The following MYO15A variants were observed in gnomAD, a reference collection of about 807,000 sequenced individuals.
The protein encoded by MYO15A is unconventional myosin-XV.
A neutral mutation model predicts 394.6 loss-of-function variants in MYO15A; 308 were observed. The observed-to-expected ratio is 0.78, with a 90% CI of 0.71 to 0.86. MYO15A has a LOEUF of 0.86. Among genes scored for constraint, MYO15A ranks in the 40% least tolerant of loss-of-function variants. The probability of loss-of-function intolerance (pLI) is 0.00; values close to 1 mark genes in which losing one functional copy is unlikely to be tolerated. For synonymous variants in MYO15A, 1,957 were observed against 2,003.8 expected, an observed-to-expected ratio of 0.98 and a Z score of 0.62; for missense variants, 4,606 against 4,799.1, an observed-to-expected ratio of 0.96 and a Z score of 1.19.
rs755769475 is a variant in MYO15A, at chr17:18,150,560, G to A, written c.7327+17G>A. 1.2e-6 allele frequency: 2 copies of A among 1,613,962 alleles called. No homozygotes were observed. Among genetic ancestry groups the A allele is most frequent in the Admixed American group, 3.3e-5 (2 of 60,014 alleles). Reference sequence around the variant, plus strand: ...CAAAGCCAAGTCAGTGCCTCCCCAGGGTGGTTCCAGGGTTGGGCAGGGCCA... The same window carrying A: ...CAAAGCCAAGTCAGTGCCTCCCCAGAGTGGTTCCAGGGTTGGGCAGGGCCA... On this transcript the variant is annotated intron_variant, in intron 36 of 65. Coordinates refer to ENST00000647165, the MANE Select transcript of MYO15A (RefSeq NM_016239.4). This position sits in a 1 kb window ranked among gnomAD's most constrained non-coding sequence, Gnocchi z 4.4.
Position 18,118,974 on chromosome 17 carries a change from C to T in MYO15A, c.174C>T (p.Ala58=). ...SKKGQFRSAS[A]FFWGLHTGPQ... is the part of the protein sequence containing the mutation. The stretch of plus-strand genomic sequence containing the variant: ...AGGGCCAGTTCCGCAGCGCCTCGGC[C>T]TTCTTCTGGGGCCTCCACACCGGCC... Residue 58 remains alanine, a synonymous_variant, in exon 2 of 66, where the codon GCC becomes GCT. Transcript: ENST00000647165. 6.2e-7 allele frequency: 1 copy of T among 1,613,168 alleles called. No individual in the cohort carries two copies. Among genetic ancestry groups the T allele is most frequent in the Non-Finnish European group, 8.5e-7 (1 of 1,179,970 alleles).
At chr17:18,152,312 C>T in intron 42 of MYO15A, 128 bp downstream of exon 42, 1 of 919,058 alleles carries the variant, frequency 1.1e-6, no homozygotes, top group Non-Finnish European at 1.7e-6. Flanking sequence ...CTTGTGAGCA[C>T]ATTGGTGTAA....
chr17:18,166,360 G>A lies in MYO15A; in HGVS notation c.9788-1G>A, dbSNP rs1215507748. ...CAGCCCTGCCTCCCTGCTCTCTGCA[G>A]GCCAGCATGTGTGCCCACTCAGTCG... On this transcript the variant is annotated splice_acceptor_variant, in intron 60 of 65. Coordinates refer to ENST00000647165, the MANE Select transcript of MYO15A (RefSeq NM_016239.4). LOFTEE classifies it high-confidence loss of function. 6.2e-7 allele frequency: 1 copy of A among 1,612,636 alleles called. No individual in the cohort carries two copies. The highest frequency in any genetic ancestry group is 8.5e-7 in the Non-Finnish European group (1 of 1,180,026).
At chr17:18,109,822 AAT>A (rs1779098436) in intron 1 of MYO15A, 1 of 152,186 alleles carries the variant, frequency 6.6e-6, no homozygotes, top group African/African-American at 2.4e-5. Flanking sequence ...CAAAGACATG[AAT>A]ATTCATCTAT....
intron 23 of MYO15A, 43 bp downstream of exon 23, chr17:18,141,813 G>T (rs755657078): frequency 6.3e-7 from 1 of 1,585,414 alleles, no homozygotes; most frequent in Admixed American, 1.7e-5. Flanking sequence ...CCCCAAGTTT[G>T]GGGGGGTCCA....
rs1373504155 is a variant in MYO15A, at chr17:18,152,175, C to A, written c.7957C>A (p.Pro2653Thr). 1.3e-6 allele frequency: 2 copies of A among 1,550,744 alleles called. No homozygotes were observed. Among genetic ancestry groups the A allele is most frequent in the Admixed American group, 3.9e-5 (2 of 51,072 alleles). ...VTSAPRPSMA[P>T]TSALPSRSLE... ...CAGTGCACCAAGGCCATCCATGGCACCCACTTCAGGTGAGAGGGCCAGGAG... is the reference window on the plus strand; with the variant it reads ...CAGTGCACCAAGGCCATCCATGGCAACCACTTCAGGTGAGAGGGCCAGGAG... Residue 2653 changes from proline to threonine, a missense_variant, in exon 42 of 66, where the codon CCC becomes ACC. Physicochemically the swap from Pro to Thr is conservative, Grantham distance 38. Around this residue, in one of 2 missense-constraint regions of MYO15A, gnomAD observed 2,776 missense variants for 3,109.3 expected, o/e 0.89. Coordinates refer to ENST00000647165, the MANE Select transcript of MYO15A (RefSeq NM_016239.4).
chr17:18,166,844 T>C (rs2046862512), intron 61 of MYO15A, among the ~76,000 whole-genome samples: 1 of 152,232 alleles, frequency 6.6e-6, no homozygotes, highest in South Asian at 2.1e-4. Flanking sequence ...CTTCCTCCTC[T>C]GAACATGGGC....
rs1597791467 is a variant in MYO15A at position 18,140,640 on chromosome 17, C to T, written c.5335C>T (p.Leu1779=). The T allele has an allele frequency of 1.2e-5, 19 of 1,613,924 alleles. No homozygotes were observed. The East Asian group carries it at 4.0e-4, about 34-fold the overall frequency. The change falls in exon 20 of 66, where the codon CTG becomes TTG. Residue 1779 remains leucine (L), a synonymous_variant. Coordinates refer to ENST00000647165, the MANE Select transcript of MYO15A (RefSeq NM_016239.4). ...GGCCGCCAAGTTCCAGCAGTCACTC[C>T]TGGATCTGGTGGAAAAGATGGAGAG... is the stretch of plus-strand genomic sequence containing the variant. The part of the protein sequence containing the change: ...TVAAKFQQSL[L]DLVEKMERCN...
In MYO15A at chr17:18,165,493, C is replaced by G. The variant is rs1227832005; in HGVS notation, c.9788-868C>G. Among the ~76,000 whole-genome samples the G allele has an allele frequency of 1.2e-4, 18 of 152,210 alleles. 1 individual carries two copies. The highest frequency in any genetic ancestry group is 1.2e-3 in the Admixed American group (18 of 15,278). ...TCTCTCTCCCTGCCAGCCTCTGCTTCTGGTCTCACATCTCCTCCTCTGATT... is the reference window on the plus strand; with the variant it reads ...TCTCTCTCCCTGCCAGCCTCTGCTTGTGGTCTCACATCTCCTCCTCTGATT... On this transcript the variant is annotated intron_variant, in intron 60 of 65. Coordinates refer to ENST00000647165, the MANE Select transcript of MYO15A (RefSeq NM_016239.4).
chr17:18,177,720 G>A (rs2047033634), intron 65 of MYO15A: 1 of 152,234 alleles, frequency 6.6e-6, no homozygotes, highest in African/African-American at 2.4e-5. Context: ...TGTGGAATGG[G>A]ATATAATAGC....
chr17:18,156,460 C>A, intron 48 of MYO15A, 124 bp downstream of exon 48: 3 of 1,117,988 alleles, frequency 2.7e-6, no homozygotes, highest in Non-Finnish European at 3.9e-6. Context: ...TTTGCACTGG[C>A]TGTGCCTTCC....
chr17:18,174,601 C>A (rs1295196459), intron 65 of MYO15A, among the ~76,000 whole-genome samples: 2 of 152,172 alleles, frequency 1.3e-5, no homozygotes, highest in Non-Finnish European at 2.9e-5. Flanking sequence ...CAAAGTGAGA[C>A]CCCATCTCTA....
chr17:18,130,290 G>A (rs1187839228), intron 7 of MYO15A, among the ~76,000 whole-genome samples: 1 of 152,116 alleles, frequency 6.6e-6, no homozygotes, highest in Non-Finnish European at 1.5e-5. Flanking sequence ...ATCCGTGCCT[G>A]TAGGATTTGA....
chr17:18,173,514 AAGCACTTAG>A (rs901174249), intron 64 of MYO15A: 92 of 500,598 alleles, frequency 1.8e-4, no homozygotes, highest in Non-Finnish European at 2.9e-4. Context: ...TCTCTATCCC[AAGCACTTAG>A]AGCACTTAGA....
rs759966953 is a variant in MYO15A, at chr17:18,135,730, C to T, written c.4502C>T (p.Ala1501Val). Residue 1501 changes from alanine to valine, a missense_variant, in exon 13 of 66, where the codon GCC becomes GTC. Physicochemically the swap from Ala to Val is moderately conservative, Grantham distance 64. This residue lies in a region of MYO15A where 2,776 missense variants were observed against 3,109.3 expected (regional missense o/e 0.89). Transcript: ENST00000647165. ...EKYETDAQEV[A>V]SVVSAREIQA... ...GCATAGACGGATGCACAGGAGGTGG[C>T]CTCAGTGGTGAGTGCCCGAGAGATC... The T allele has an allele frequency of 6.2e-7, 1 of 1,614,124 alleles. No homozygotes were observed. The highest frequency in any genetic ancestry group is 8.5e-7 in the Non-Finnish European group (1 of 1,180,012).
chr17:18,138,951 A>G lies in MYO15A; in HGVS notation c.5133+15A>G, dbSNP rs150128469. On this transcript the variant is annotated intron_variant, in intron 18 of 65. Transcript: ENST00000647165. ...TCACCTACCAGGTGAGCCCTAAGAC[A>G]GTCGGCCTGGACGCTGGTGCTGCAG... 2.9e-3 allele frequency: 4,683 copies of G among 1,610,008 alleles called. 17 individuals carry two copies. Among genetic ancestry groups the G allele is most frequent in the Middle Eastern group, 5.5e-3 (33 of 6,040 alleles).
chr17:18,116,206 T>C (rs1001383074), intron 1 of MYO15A, among the ~76,000 whole-genome samples: 6 of 152,204 alleles, frequency 3.9e-5, no homozygotes, highest in Non-Finnish European at 8.8e-5. Context: ...CCTTGGTGCC[T>C]GTTGGAGGCC....
At chr17:18,130,599 G>A (rs1384022881) in intron 7 of MYO15A, among the ~76,000 whole-genome samples, 1 of 152,004 alleles carries the variant, frequency 6.6e-6, no homozygotes, top group Non-Finnish European at 1.5e-5. Flanking sequence ...TGTTTGGAAG[G>A]CAAACTCAGC....
chr17:18,136,827 T>A, intron 15 of MYO15A, 141 bp downstream of exon 15: 1 of 1,235,076 alleles, frequency 8.1e-7, no homozygotes, highest in Non-Finnish European at 1.1e-6. Flanking sequence ...CCTGTCACCA[T>A]CTCCCTTGTC....
Sources: allele counts gnomAD v4.1 joint callset (sites outside exome capture counted in the v4.1 genomes callset), GRCh38; gene constraint gnomAD v4.1.1; regional missense constraint gnomAD v4.1.1; non-coding constraint Gnocchi (gnomAD v3.1); transcripts MANE v1.5; gene names NCBI Gene and HGNC (gene_info 2026-07-23, HGNC 2026-07-21).